Variants in C8A observed in about 807,000 individuals in gnomAD.
The protein encoded by C8A is complement C8 alpha chain.
A neutral mutation model predicts 65.3 loss-of-function variants in C8A; 67 were observed. The ratio of observed to expected loss-of-function variants is 1.03; its 90% CI spans 0.84 to 1.26. The LOEUF (loss-of-function observed/expected upper bound fraction) is 1.26, where lower values mean the gene tolerates loss of function less well. C8A is among the 50% of genes most tolerant of loss of function. The probability of loss-of-function intolerance (pLI) is 0.00; values close to 1 mark genes in which losing one functional copy is unlikely to be tolerated. For synonymous variants in C8A, 290 were observed against 259.4 expected (o/e 1.12, Z -1.13); for missense variants, 781 against 723.9 (o/e 1.08, Z -0.90).
At chr1:56,898,451 T>C (rs1269476410) in intron 7 of C8A, among the ~76,000 whole-genome samples, 1 of 152,188 alleles carries the variant, frequency 6.6e-6, no homozygotes, top group African/African-American at 2.4e-5. Context: ...GTCCCTGGAC[T>C]TACCATACTC....
Position 56,912,469 on chromosome 1 carries a change from C to T in C8A, c.1447C>T (p.Leu483=), listed in dbSNP as rs759837668. Residue 483 remains leucine (L), a synonymous_variant, in exon 10 of 11, where the codon CTG becomes TTG. Transcript: ENST00000361249. ...LGPLEAKRQN[L]RRALDQYLME... ...GCCTCTGGAGGCCAAGCGCCAGAAC[C>T]TGCGCCGCGCCTTGGACCAGTATCT... 3.1e-6 allele frequency: 5 copies of T among 1,614,106 alleles called. No individual in the cohort carries two copies. The highest frequency in any genetic ancestry group is 4.2e-6 in the Non-Finnish European group (5 of 1,180,032).
At chr1:56,912,059 CAT>C (rs1405124377) in intron 9 of C8A, among the ~76,000 whole-genome samples, 2 of 152,184 alleles carry the variant, frequency 1.3e-5, no homozygotes, top group African/African-American at 4.8e-5. Flanking sequence ...AAAGGCCTGT[CAT>C]ATGGTAAAAG....
At chr1:56,913,832 G>A (rs1226525818) in intron 10 of C8A, among the ~76,000 whole-genome samples, 1 of 152,204 alleles carries the variant, frequency 6.6e-6, no homozygotes, top group African/African-American at 2.4e-5. Context: ...TGAAGCACAG[G>A]GTGGAGGGGG....
At chr1:56,875,401 T>C (rs919140450) in intron 3 of C8A, among the ~76,000 whole-genome samples, 4 of 152,180 alleles carry the variant, frequency 2.6e-5, no homozygotes, top group Non-Finnish European at 4.4e-5. Context: ...CTGCTGTTAA[T>C]ATAGACATGA....
chr1:56,916,259 G>A (rs1255542200), intron 10 of C8A, among the ~76,000 whole-genome samples: 3 of 152,212 alleles, frequency 2.0e-5, no homozygotes, highest in South Asian at 4.1e-4. Context: ...TTAGTTCATT[G>A]CAGGCAGCTC....
chr1:56,901,788 G>C (rs1644428650), intron 7 of C8A, among the ~76,000 whole-genome samples: 1 of 151,962 alleles, frequency 6.6e-6, no homozygotes, highest in African/African-American at 2.4e-5. Flanking sequence ...TGTTCTACTT[G>C]TCTCTGGCTC....
intron 4 of C8A, among the ~76,000 whole-genome samples, chr1:56,877,129 C>T (rs1296147977): frequency 3.3e-5 from 5 of 152,194 alleles, no homozygotes; most frequent in Admixed American, 1.3e-4. Context: ...AGCGAAAAGG[C>T]GGCTGTCTTT....
At chr1:56,858,095 A>G (rs1168731810) in intron 1 of C8A, among the ~76,000 whole-genome samples, 2 of 152,134 alleles carry the variant, frequency 1.3e-5, no homozygotes, top group Non-Finnish European at 2.9e-5. Context: ...ACCTTCTACT[A>G]TCTTCTACTA....
chr1:56,888,176 C>T (rs1442985774), intron 7 of C8A, among the ~76,000 whole-genome samples: 1 of 152,040 alleles, frequency 6.6e-6, no homozygotes, highest in Non-Finnish European at 1.5e-5. Flanking sequence ...ATCCAGATAG[C>T]AAGATATTTG....
chr1:56,893,103 CT>C (rs920901809), intron 7 of C8A, among the ~76,000 whole-genome samples: 1 of 151,270 alleles, frequency 6.6e-6, no homozygotes, highest in Non-Finnish European at 1.5e-5. Flanking sequence ...CCTGAGATAT[CT>C]TTTTTTTTAA....
intron 7 of C8A, among the ~76,000 whole-genome samples, chr1:56,889,697 C>T (rs931554907): frequency 2.0e-5 from 3 of 152,218 alleles, no homozygotes; most frequent in Non-Finnish European, 4.4e-5. Context: ...TTTAAGTGAA[C>T]ATACTCACTG....
rs533993285 is a variant in C8A at position 56,903,269 on chromosome 1, T to C, written c.1097-3398T>C. ...AATCATGGGGGTGGTTACTCTCATG[T>C]TGTTCTCATGATAATGGGTGGGTTC... is the stretch of plus-strand genomic sequence containing the variant. On this transcript the variant is annotated intron_variant, in intron 7 of 10. Transcript: ENST00000361249. 2.6e-5 allele frequency among the ~76,000 whole-genome samples: 4 copies of C among 152,262 alleles called. No homozygotes were observed. In the East Asian group the frequency reaches 7.8e-4, roughly 30 times the overall value.
chr1:56,911,476 C>G (rs1774900), intron 9 of C8A, among the ~76,000 whole-genome samples: 15,601 of 152,212 alleles, frequency 0.1, 1,252 homozygotes, highest in African/African-American at 0.22. Flanking sequence ...CAGATTCAAT[C>G]CTCCTTGTGC....
chr1:56,895,334 A>T (rs1198051947), intron 7 of C8A, among the ~76,000 whole-genome samples: 1 of 152,292 alleles, frequency 6.6e-6, no homozygotes. Context: ...CTCAGGAGAG[A>T]CTTGTGAAGA....
intron 7 of C8A, among the ~76,000 whole-genome samples, chr1:56,905,688 T>C (rs952258074): frequency 8.5e-5 from 13 of 152,246 alleles, no homozygotes; most frequent in African/African-American, 2.7e-4. Flanking sequence ...TTATGGTTGA[T>C]AGAATAACAG....
At chr1:56,866,275 C>T (rs1195795771) in intron 1 of C8A, among the ~76,000 whole-genome samples, 1 of 152,186 alleles carries the variant, frequency 6.6e-6, no homozygotes, top group East Asian at 1.9e-4. Flanking sequence ...CAAAAATGTA[C>T]ATTTATGGTA....
chr1:56,896,312 G>C (rs1173247532), intron 7 of C8A, among the ~76,000 whole-genome samples: 2 of 152,126 alleles, frequency 1.3e-5, no homozygotes, highest in Non-Finnish European at 2.9e-5. Flanking sequence ...CGGCAAGCTG[G>C]ACACCCAGGA....
rs182161894 is a variant in C8A at position 56,912,611 on chromosome 1, A to T, written c.1589A>T (p.Gln530Leu). 1.1e-5 allele frequency: 18 copies of T among 1,614,102 alleles called. No homozygotes were observed. The Admixed American group carries it at 3.0e-4, about 27-fold the overall frequency. The change falls in exon 10 of 11, where the codon CAA (glutamine) becomes CTA (leucine). Residue 530 changes from glutamine to leucine, a missense_variant. By Grantham distance (113) the Gln-to-Leu change is moderately radical. Transcript: ENST00000361249. ...RLGSLGAACE[Q>L]TQTEGAKADG... The stretch of plus-strand genomic sequence containing the variant: ...GGTAGCTTGGGTGCTGCCTGTGAGC[A>T]AACACAGACAGAAGGTAAGGTCCGT...
intron 7 of C8A, among the ~76,000 whole-genome samples, chr1:56,892,805 C>T (rs1377061210): frequency 6.6e-6 from 1 of 152,010 alleles, no homozygotes; most frequent in East Asian, 1.9e-4. Context: ...GCCCTGGGTC[C>T]CTCAAAATGC....
Sources: allele counts gnomAD v4.1 joint callset (sites outside exome capture counted in the v4.1 genomes callset), GRCh38; gene constraint gnomAD v4.1.1; transcripts MANE v1.5; gene names NCBI Gene and HGNC (gene_info 2026-07-23, HGNC 2026-07-21).